Variants in STAU2 observed in about 807,000 individuals in gnomAD.
The protein encoded by STAU2 is double-stranded RNA-binding protein Staufen homolog 2.
A neutral mutation model predicts 65.9 loss-of-function variants in STAU2; 20 were observed. That is an observed-to-expected ratio of 0.30 (90% CI 0.21 to 0.44). STAU2 has a LOEUF of 0.44. STAU2 is among the 20% of genes least tolerant of loss of function. The pLI is 1.00. For synonymous variants in STAU2, 232 were observed against 233.9 expected (o/e 0.99, Z 0.07); for missense variants, 558 against 683.9 (o/e 0.82, Z 2.05).
At chr8:73,605,984 T>C (rs1431425148) in intron 9 of STAU2, among the ~76,000 whole-genome samples, 4 of 140,914 alleles carry the variant, frequency 2.8e-5, no homozygotes, top group African/African-American at 1.1e-4. Flanking sequence ...GCCAATAGTG[T>C]TGGGACAATT....
intron 13 of STAU2, among the ~76,000 whole-genome samples, chr8:73,542,543 A>T (rs1303902144): frequency 6.6e-6 from 1 of 152,184 alleles, no homozygotes; most frequent in Non-Finnish European, 1.5e-5. Flanking sequence ...AAGATAACAA[A>T]AAGACAAGTC....
At chr8:73,624,191 A>AG (rs1813475648) in intron 6 of STAU2, among the ~76,000 whole-genome samples, 1 of 152,194 alleles carries the variant, frequency 6.6e-6, no homozygotes, top group Non-Finnish European at 1.5e-5. Context: ...ATCCAAACAA[A>AG]GGTAAATCTG....
At chr8:73,699,846 A>C (rs1184227942) in intron 4 of STAU2, among the ~76,000 whole-genome samples, 1 of 149,762 alleles carries the variant, frequency 6.7e-6, no homozygotes, top group Non-Finnish European at 1.5e-5. Context: ...TGATACCAAA[A>C]ACCAAACACA....
chr8:73,539,285 T>A (rs1585962877), intron 13 of STAU2, among the ~76,000 whole-genome samples: 1 of 152,170 alleles, frequency 6.6e-6, no homozygotes, highest in East Asian at 1.9e-4. Context: ...AGGCAATCAA[T>A]AGACACCAAA....
chr8:73,520,682 G>A (rs574757907), intron 13 of STAU2, among the ~76,000 whole-genome samples: 1 of 152,312 alleles, frequency 6.6e-6, no homozygotes, highest in African/African-American at 2.4e-5. Flanking sequence ...GACACAAGAA[G>A]ATCAGCTCTC....
chr8:73,726,012 T>TTC (rs1805596157), intron 3 of STAU2, among the ~76,000 whole-genome samples: 1 of 151,842 alleles, frequency 6.6e-6, no homozygotes, highest in African/African-American at 2.4e-5. Flanking sequence ...GGTTAGGTTT[T>TTC]TTTTTTTTTT....
chr8:73,468,877 C>T (rs1173280941), intron 13 of STAU2, among the ~76,000 whole-genome samples: 1 of 152,162 alleles, frequency 6.6e-6, no homozygotes, highest in Non-Finnish European at 1.5e-5. Context: ...CTAGTTCAAC[C>T]ATTGTGGAAG....
At chr8:73,703,564 T>C (rs1820275953) in intron 4 of STAU2, among the ~76,000 whole-genome samples, 1 of 152,056 alleles carries the variant, frequency 6.6e-6, no homozygotes, top group South Asian at 2.1e-4. Flanking sequence ...AAAATATCCA[T>C]CAACAGATGA....
At chr8:73,468,412 A>G (rs906399819) in intron 13 of STAU2, among the ~76,000 whole-genome samples, 13 of 152,238 alleles carry the variant, frequency 8.5e-5, no homozygotes, top group Non-Finnish European at 4.4e-5. Flanking sequence ...CTTCATGTCT[A>G]AAACACCAAA....
chr8:73,687,368 A>AATTCAT (rs1818979412), intron 5 of STAU2, among the ~76,000 whole-genome samples: 1 of 116,794 alleles, frequency 8.6e-6, no homozygotes, highest in African/African-American at 3.3e-5. Flanking sequence ...ATATAAATAT[A>AATTCAT]ATTTATAATT....
intron 6 of STAU2, among the ~76,000 whole-genome samples, chr8:73,654,663 A>AAAAAAAAAAAAAAATC (rs1280392351): frequency 7.4e-6 from 1 of 135,562 alleles, no homozygotes; most frequent in South Asian, 2.3e-4. Context: ...AAAAAAAAAG[A>AAAAAAAAAAAAAAATC]ACTCTTTTAA....
chr8:73,538,882 C>A (rs1301043983), intron 13 of STAU2, among the ~76,000 whole-genome samples: 1 of 152,114 alleles, frequency 6.6e-6, no homozygotes, highest in Admixed American at 6.5e-5. Context: ...TATTTTTACT[C>A]TAAGAAAGCA....
At chr8:73,697,116 C>A (rs977066696) in intron 4 of STAU2, among the ~76,000 whole-genome samples, 1 of 152,106 alleles carries the variant, frequency 6.6e-6, no homozygotes, top group African/African-American at 2.4e-5. Context: ...TGCAGTGATG[C>A]GATCTTGCCT....
At chr8:73,537,218 C>CAA (rs2128935948) in intron 13 of STAU2, among the ~76,000 whole-genome samples, 1 of 152,038 alleles carries the variant, frequency 6.6e-6, no homozygotes, top group South Asian at 2.1e-4. Context: ...GAGAAAAAAA[C>CAA]AAATAGTGCT....
intron 13 of STAU2, among the ~76,000 whole-genome samples, chr8:73,518,935 T>C (rs1822890902): frequency 2.0e-5 from 3 of 152,264 alleles, no homozygotes; most frequent in African/African-American, 7.2e-5. Context: ...TTTGAAATAT[T>C]TAAAAAAATC....
chr8:73,439,220 G>A, intron 13 of STAU2: 1 of 353,092 alleles, frequency 2.8e-6, no homozygotes, highest in South Asian at 2.1e-5. Flanking sequence ...CTGGCACCGT[G>A]AGCTGGCAGG....
chr8:73,736,641 T>C (rs1280802113), intron 3 of STAU2, among the ~76,000 whole-genome samples: 2 of 152,098 alleles, frequency 1.3e-5, no homozygotes, highest in Non-Finnish European at 2.9e-5. Flanking sequence ...CCAGTAAAAC[T>C]GAAGCACTGA....
intron 4 of STAU2, among the ~76,000 whole-genome samples, chr8:73,697,907 C>T (rs1230102113): frequency 6.6e-6 from 1 of 151,936 alleles, no homozygotes; most frequent in African/African-American, 2.4e-5. Flanking sequence ...CGGTGAAACC[C>T]CATCTCTACT....
intron 13 of STAU2, among the ~76,000 whole-genome samples, chr8:73,545,213 A>G (rs754380552): frequency 6.6e-6 from 1 of 152,178 alleles, no homozygotes; most frequent in Non-Finnish European, 1.5e-5. Flanking sequence ...CTGTAAACCT[A>G]GTACTGTTTT....
Sources: allele counts gnomAD v4.1 joint callset (sites outside exome capture counted in the v4.1 genomes callset), GRCh38; gene constraint gnomAD v4.1.1; transcripts MANE v1.5; gene names NCBI Gene and HGNC (gene_info 2026-07-23, HGNC 2026-07-21).